Variants in CCDC3 observed in about 807,000 individuals in gnomAD.
CCDC3 encodes coiled-coil domain-containing protein 3.
In CCDC3, 24 loss-of-function variants were observed where a neutral mutation model predicts 21.4. The ratio of observed to expected loss-of-function variants is 1.12; its 90% CI spans 0.81 to 1.58. CCDC3 has a LOEUF of 1.58. Ranked by LOEUF, CCDC3 falls within the 40% of genes most tolerant of loss-of-function variation. The pLI, the probability that CCDC3 is intolerant of heterozygous loss-of-function variation, is 0.00. For synonymous variants in CCDC3, 186 were observed against 166.0 expected, an observed-to-expected ratio of 1.12 and a Z score of -0.93; for missense variants, 425 against 360.9, an observed-to-expected ratio of 1.18 and a Z score of -1.44.
At chr10:13,085,433 G>A (rs1238965092) in intron 3 of CCDC3, among the ~76,000 whole-genome samples, 2 of 152,170 alleles carry the variant, frequency 1.3e-5, no homozygotes, top group Admixed American at 6.5e-5. Context: ...ATTTAACAAC[G>A]GGAGGTCCTT....
intron 2 of CCDC3, among the ~76,000 whole-genome samples, chr10:12,906,482 C>T (rs937658410): frequency 2.6e-5 from 4 of 152,144 alleles, no homozygotes; most frequent in South Asian, 2.1e-4. Context: ...CTCCTGCGTC[C>T]GCTTCCTGAT....
At chr10:13,053,745 T>C (rs775228996) in intron 4 of CCDC3, among the ~76,000 whole-genome samples, 6 of 152,128 alleles carry the variant, frequency 3.9e-5, no homozygotes, top group Non-Finnish European at 8.8e-5. Flanking sequence ...CACCCCAAAA[T>C]GGACGAGCTG....
In CCDC3 at chr10:12,942,036, T is replaced by C. The variant is rs544030995; in HGVS notation, c.550-43357A>G. On this transcript the variant is annotated intron_variant, in intron 2 of 2. Transcript: ENST00000378825. ...CTTCTTTCTTTCTTTAGGTAAATGA[T>C]AGTAATTAAGCCAGAAGTCTATGCT... is the stretch of plus-strand genomic sequence containing the variant. Among the ~76,000 whole-genome samples, 7 of 152,334 alleles carry C rather than the reference T, an allele frequency of 4.6e-5. No homozygotes were observed. In the South Asian group the frequency reaches 6.2e-4, roughly 14 times the overall value.
upstream of CCDC3, among the ~76,000 whole-genome samples, chr10:13,003,048 A>C (rs1464944284): frequency 1.3e-5 from 2 of 152,194 alleles, no homozygotes; most frequent in Non-Finnish European, 2.9e-5. Context: ...GGGAGTTAGC[A>C]CTTCAACATA....
chr10:13,034,360 G>A (rs1390836408), intron 5 of CCDC3, among the ~76,000 whole-genome samples: 6 of 150,718 alleles, frequency 4.0e-5, no homozygotes, highest in African/African-American at 7.3e-5. Context: ...GGGGAGGGGC[G>A]AGGGATAGCA....
intron 2 of CCDC3, among the ~76,000 whole-genome samples, chr10:12,937,660 C>T (rs1235672478): frequency 3.3e-5 from 5 of 152,088 alleles, no homozygotes; most frequent in African/African-American, 1.2e-4. Context: ...AGCTCTATGG[C>T]ACAGAAAAGT....
chr10:13,056,921 G>T (rs573144130), intron 4 of CCDC3, among the ~76,000 whole-genome samples: 82 of 152,296 alleles, frequency 5.4e-4, no homozygotes, highest in African/African-American at 1.9e-3. Flanking sequence ...TATCATGGAA[G>T]GCAAGACTGG....
chr10:12,926,396 ACAGT>A (rs1002420952), intron 2 of CCDC3, among the ~76,000 whole-genome samples: 28 of 152,158 alleles, frequency 1.8e-4, no homozygotes, highest in Admixed American at 7.9e-4. Context: ...CCAGAGACAA[ACAGT>A]CAGGGCTGGC....
chr10:13,046,177 A>G (rs982173391), intron 5 of CCDC3, among the ~76,000 whole-genome samples: 1 of 151,456 alleles, frequency 6.6e-6, no homozygotes, highest in African/African-American at 2.4e-5. Flanking sequence ...AGGCCAAGGC[A>G]GGAGGATTGC....
intron 2 of CCDC3, among the ~76,000 whole-genome samples, chr10:12,917,004 T>TG (rs1366587680): frequency 6.6e-6 from 1 of 152,098 alleles, no homozygotes; most frequent in Non-Finnish European, 1.5e-5. Context: ...GCCTGGAGTC[T>TG]GGGGCTGTGA....
At chr10:13,076,367 C>T (rs1485574317) in intron 3 of CCDC3, among the ~76,000 whole-genome samples, 2 of 152,124 alleles carry the variant, frequency 1.3e-5, no homozygotes, top group African/African-American at 2.4e-5. Context: ...GCTGCCCTCC[C>T]CGAAAGTTAG....
intron 5 of CCDC3, among the ~76,000 whole-genome samples, chr10:13,018,093 GA>G (rs34776135): frequency 0.62 from 93,053 of 149,730 alleles, 29,935 homozygotes; most frequent in East Asian, 0.72. Context: ...GGAATGAAAT[GA>G]AAAAAAAAAA....
chr10:13,037,390 T>C (rs1428645613), intron 5 of CCDC3, among the ~76,000 whole-genome samples: 1 of 152,160 alleles, frequency 6.6e-6, no homozygotes, highest in Admixed American at 6.5e-5. Flanking sequence ...ACAAAATTAA[T>C]CATCTGACAC....
At chr10:13,091,081 G>C (rs1564345605) in intron 3 of CCDC3, among the ~76,000 whole-genome samples, 2 of 152,166 alleles carry the variant, frequency 1.3e-5, no homozygotes, top group Non-Finnish European at 2.9e-5. Context: ...GGAAGACTCA[G>C]CAAGTCTGCC....
At chr10:12,943,061 T>A (rs904026423) in intron 2 of CCDC3, among the ~76,000 whole-genome samples, 1 of 152,240 alleles carries the variant, frequency 6.6e-6, no homozygotes, top group African/African-American at 2.4e-5. Context: ...TATCTTCAGA[T>A]GGTATTACCA....
intron 2 of CCDC3, among the ~76,000 whole-genome samples, chr10:12,917,180 C>CT (rs56054100): frequency 2.2e-4 from 13 of 58,238 alleles, no homozygotes; most frequent in African/African-American, 8.8e-4. Context: ...ATTTCTTCTT[C>CT]TTTTTTTTTT....
chr10:13,039,680 A>G (rs912706888), intron 5 of CCDC3, among the ~76,000 whole-genome samples: 4 of 152,278 alleles, frequency 2.6e-5, no homozygotes, highest in Middle Eastern at 3.4e-3. Flanking sequence ...GCAGAGTAAC[A>G]TTCTGATTTC....
In CCDC3 at chr10:12,927,155, G is replaced by A. The variant is rs575816119; in HGVS notation, c.550-28476C>T. ...TGGAAATTTCCGAACACACATAAAA[G>A]TAGAGAGATGAGTATAGTGAGCCTC... On this transcript the variant is annotated intron_variant, in intron 2 of 2. Coordinates refer to ENST00000378825, the MANE Select transcript of CCDC3 (RefSeq NM_031455.4). Among the ~76,000 whole-genome samples the A allele has an allele frequency of 3.3e-5, 5 of 152,278 alleles. No individual in the cohort carries two copies. In the East Asian group the frequency reaches 9.7e-4, roughly 29 times the overall value.
intron 2 of CCDC3, among the ~76,000 whole-genome samples, chr10:12,917,177 CTTCTTTTTTTT>C (rs1411286278): frequency 2.8e-4 from 21 of 74,784 alleles, no homozygotes; most frequent in African/African-American, 1.0e-3. Flanking sequence ...CTTATTTCTT[CTTCTTTTTTTT>C]TTTTTTTTTT....
Sources: gnomAD v4.1 joint callset for allele counts (sites outside exome capture counted in the v4.1 genomes callset) on GRCh38, gnomAD v4.1.1 for gene constraint, MANE v1.5 for transcripts, NCBI Gene and HGNC (gene_info 2026-07-23, HGNC 2026-07-21) for gene names.